The following FAM53A variants were observed in gnomAD, a reference collection of about 807,000 sequenced individuals.
FAM53A encodes the protein family with sequence similarity 53 member A, also known as protein FAM53A.
FAM53A carries 28 observed loss-of-function variants against 26.6 expected under a neutral mutation model. That is an observed-to-expected ratio of 1.05 (90% CI 0.78 to 1.45). The LOEUF is 1.45. Ranked by LOEUF, FAM53A falls within the 40% of genes most tolerant of loss-of-function variation. The pLI is 0.00. For synonymous variants in FAM53A, 290 were observed against 253.1 expected, an observed-to-expected ratio of 1.15 and a Z score of -1.38; for missense variants, 650 against 575.8, an observed-to-expected ratio of 1.13 and a Z score of -1.32.
downstream of FAM53A, among the ~76,000 whole-genome samples, chr4:1,614,134 G>A (rs565217556): frequency 6.0e-4 from 92 of 152,294 alleles, no homozygotes; most frequent in African/African-American, 2.1e-3. Context: ...ACACTGGAGG[G>A]GCATAGCACA....
chr4:1,625,044 G>A, intron 1 of FAM53A, among the ~76,000 whole-genome samples: 2 of 135,794 alleles, frequency 1.5e-5, no homozygotes, highest in South Asian at 4.8e-4. Flanking sequence ...CACGCCAGGT[G>A]ATCAGAAGGC....
At chr4:1,645,002 T>C (rs1712105097) in intron 4 of FAM53A, 1 of 152,354 alleles carries the variant, frequency 6.6e-6, no homozygotes, top group African/African-American at 2.4e-5. Context: ...GCAAGCTCCA[T>C]CCACCATGTG....
chr4:1,595,100 C>T, the FAM53A span, among the ~76,000 whole-genome samples: 5 of 152,162 alleles, frequency 3.3e-5, no homozygotes, highest in African/African-American at 4.8e-5. Context: ...ATGCCAGGGA[C>T]GGGGAGGCAC....
the FAM53A span, among the ~76,000 whole-genome samples, chr4:1,584,528 T>C: frequency 0.66 from 100,252 of 152,188 alleles, 33,595 homozygotes; most frequent in East Asian, 0.81. Context: ...TTGGGAAAGG[T>C]TCAGCAAGGG....
At chr4:1,635,306 C>G (rs1162565080), downstream of FAM53A, among the ~76,000 whole-genome samples, 3 of 152,152 alleles carry the variant, frequency 2.0e-5, no homozygotes, top group Non-Finnish European at 4.4e-5. Flanking sequence ...CAGGGTCTCG[C>G]ACTGTCATCC....
downstream of FAM53A, among the ~76,000 whole-genome samples, chr4:1,614,332 G>T (rs912558656): frequency 1.4e-5 from 2 of 142,902 alleles, no homozygotes; most frequent in African/African-American, 6.1e-5. Context: ...CGGCGAAGGG[G>T]TGAGGGGGAT....
chr4:1,679,149 A>T (rs1715232458), intron 1 of FAM53A, among the ~76,000 whole-genome samples: 1 of 152,152 alleles, frequency 6.6e-6, no homozygotes, highest in South Asian at 2.1e-4. Context: ...TCCAAAATAT[A>T]AAAAGATATT....
the FAM53A span, among the ~76,000 whole-genome samples, chr4:1,576,502 C>T: frequency 6.6e-6 from 1 of 152,234 alleles, no homozygotes; most frequent in Non-Finnish European, 1.5e-5. Context: ...TCCGCGCGCA[C>T]ACTGTCTAAT....
intron 4 of FAM53A, among the ~76,000 whole-genome samples, chr4:1,648,671 C>T (rs1712459506): frequency 6.6e-6 from 1 of 152,196 alleles, no homozygotes; most frequent in Non-Finnish European, 1.5e-5. Flanking sequence ...TAAGGCAATG[C>T]ACACTTCAGG....
chr4:1,683,350 C>T (rs1223917639), intron 1 of FAM53A: 2 of 152,192 alleles, frequency 1.3e-5, no homozygotes, highest in Non-Finnish European at 2.9e-5. Flanking sequence ...AAAGCAGCAT[C>T]AATATGTTCA....
chr4:1,610,668 G>T, the FAM53A span, among the ~76,000 whole-genome samples: 1 of 152,034 alleles, frequency 6.6e-6, no homozygotes, highest in Non-Finnish European at 1.5e-5. Context: ...GGCCTGGGGT[G>T]GGGGACAGAG....
intron 1 of FAM53A, among the ~76,000 whole-genome samples, chr4:1,672,851 C>T (rs1307432070): frequency 1.4e-5 from 2 of 147,848 alleles, no homozygotes; most frequent in Non-Finnish European, 3.0e-5. Flanking sequence ...CTCACTGCAA[C>T]CTCCGCCTCC....
chr4:1,588,009 C>G, the FAM53A span, among the ~76,000 whole-genome samples: 3 of 152,106 alleles, frequency 2.0e-5, no homozygotes, highest in African/African-American at 7.2e-5. Context: ...TAGTTTATTA[C>G]ACTTCTCAAA....
chr4:1,632,084 A>G (rs1715632142), intron 1 of FAM53A, among the ~76,000 whole-genome samples: 1 of 151,386 alleles, frequency 6.6e-6, no homozygotes, highest in African/African-American at 2.4e-5. Flanking sequence ...GAATCGCTTG[A>G]ACCCGGTAGG....
chr4:1,674,831 A>G (rs1244086273), intron 1 of FAM53A, among the ~76,000 whole-genome samples: 1 of 152,198 alleles, frequency 6.6e-6, no homozygotes, highest in Non-Finnish European at 1.5e-5. Flanking sequence ...CTGAGCCATG[A>G]GGATGCAGCA....
rs553339044 is a variant in FAM53A at position 1,647,615 on chromosome 4, C to T, written c.883-6008G>A. On this transcript the variant is annotated intron_variant, in intron 4 of 4. Coordinates refer to ENST00000308132, the MANE Select transcript of FAM53A (RefSeq NM_001174070.3). ...CAGACTGCACAACACACGCCAGGGA[C>T]GCCGGACTAGAGCTGGGCTGCGCAT... Among the ~76,000 whole-genome samples the T allele has an allele frequency of 1.2e-4, 18 of 152,336 alleles. No homozygotes were observed. In the East Asian group the frequency reaches 3.3e-3, roughly 28 times the overall value.
intron 1 of FAM53A, among the ~76,000 whole-genome samples, chr4:1,672,690 C>T (rs1028698724): frequency 4.0e-5 from 6 of 151,322 alleles, no homozygotes; most frequent in Non-Finnish European, 7.4e-5. Flanking sequence ...CTGAACCCAG[C>T]GATCAATGTG....
rs561741907 is a variant in FAM53A, at chr4:1,655,274, C to T, written c.586G>A (p.Asp196Asn). The change falls in exon 4 of 5, where the codon GAC becomes AAC. Residue 196 changes from aspartate (D) to asparagine (N), a missense_variant. Coordinates refer to ENST00000308132, the MANE Select transcript of FAM53A (RefSeq NM_001174070.3). ...GAGCCCGCACTGCCCTCGCTGCTGTCCACGAAGCCGCCGCTGGCGGAGGAC... is the reference window on the plus strand; with the variant it reads ...GAGCCCGCACTGCCCTCGCTGCTGTTCACGAAGCCGCCGCTGGCGGAGGAC... The part of the protein sequence containing the change: ...RPSSASGGFV[D>N]SSEGSAGSGP... 3 of 1,429,102 alleles carry T rather than the reference C, an allele frequency of 2.1e-6. No individual in the cohort carries two copies. The African/African-American group carries it at 4.5e-5, about 21-fold the overall frequency. 88.5% of individuals were successfully genotyped at this position (1,429,102 alleles called of 1,614,324 possible).
intron 1 of FAM53A, among the ~76,000 whole-genome samples, chr4:1,622,150 T>C (rs1341383084): frequency 6.6e-6 from 1 of 152,154 alleles, no homozygotes; most frequent in African/African-American, 2.4e-5. Context: ...CGCCGACCCC[T>C]GTTCACGATC....
Sources: allele counts gnomAD v4.1 joint callset (sites outside exome capture counted in the v4.1 genomes callset), GRCh38; gene constraint gnomAD v4.1.1; transcripts MANE v1.5; gene names NCBI Gene and HGNC (gene_info 2026-07-23, HGNC 2026-07-21).